Variants in SMOC2 observed in about 807,000 individuals in gnomAD.
SMOC2 encodes SPARC-related modular calcium-binding protein 2.
A neutral mutation model predicts 61.4 loss-of-function variants in SMOC2; 39 were observed. The observed-to-expected ratio is 0.64, with a 90% CI of 0.49 to 0.83. The LOEUF (loss-of-function observed/expected upper bound fraction) is 0.83. Ranked by LOEUF, SMOC2 falls within the 40% of genes least tolerant of loss-of-function variation. The probability of loss-of-function intolerance (pLI) is 0.00; values close to 1 mark genes in which losing one functional copy is unlikely to be tolerated. For missense variants in SMOC2, 556 were observed against 592.9 expected (o/e 0.94, Z 0.65); for synonymous variants, 247 against 239.9 (o/e 1.03, Z -0.27).
intron 8 of SMOC2, among the ~76,000 whole-genome samples, chr6:168,604,185 G>C (rs547312442): frequency 3.9e-5 from 6 of 152,234 alleles, no homozygotes; most frequent in Non-Finnish European, 5.9e-5. Context: ...ATCTCATCCA[G>C]ATGCCACAGT....
Position 168,592,267 on chromosome 6 carries a change from GGGC to G in SMOC2, c.638-6550_638-6548del, listed in dbSNP as rs1785199466. Among the ~76,000 whole-genome samples, 7 of 151,074 alleles carry G rather than the reference GGGC, an allele frequency of 4.6e-5. 1 individual carries two copies. The highest frequency in any genetic ancestry group is 2.1e-4 in the South Asian group (1 of 4,802). On this transcript the variant is annotated intron_variant, in intron 7 of 12. Coordinates refer to ENST00000356284, the MANE Select transcript of SMOC2 (RefSeq NM_001166412.2). ...CCCTTCATGCTTCCTAAGGCCTCAC[GGGC>G]ATCTTTCTAGAGGATCGTGGAGCTC... is the stretch of plus-strand genomic sequence containing the variant.
At chr6:168,555,627 C>T (rs997214402) in intron 7 of SMOC2, among the ~76,000 whole-genome samples, 15 of 152,234 alleles carry the variant, frequency 9.9e-5, no homozygotes, top group African/African-American at 3.4e-4. Flanking sequence ...GAACCTAAAT[C>T]ATGCCTCTTG....
chr6:168,549,267 T>G, intron 7 of SMOC2, 64 bp downstream of exon 7: 3 of 1,509,016 alleles, frequency 2.0e-6, no homozygotes, highest in Non-Finnish European at 2.8e-6. Context: ...ATGATGGGGT[T>G]TTTTTTTGGA....
chr6:168,466,809 A>T (rs918723277), intron 1 of SMOC2, among the ~76,000 whole-genome samples: 12 of 152,276 alleles, frequency 7.9e-5, no homozygotes, highest in African/African-American at 2.9e-4. Flanking sequence ...GTCATCCTGG[A>T]CGCTTGGTTT....
chr6:168,565,611 C>T (rs958602245), intron 7 of SMOC2, among the ~76,000 whole-genome samples: 1 of 152,186 alleles, frequency 6.6e-6, no homozygotes, highest in East Asian at 1.9e-4. Context: ...GAATCCATAA[C>T]AAGCAGGATA....
At chr6:168,645,635 T>C (rs752358137) in intron 9 of SMOC2, among the ~76,000 whole-genome samples, 16 of 152,160 alleles carry the variant, frequency 1.1e-4, no homozygotes, top group Non-Finnish European at 1.6e-4. Context: ...AGAGTGGAGA[T>C]AGCATTTGAC....
At chr6:168,583,433 C>A (rs1021600869) in intron 7 of SMOC2, among the ~76,000 whole-genome samples, 3 of 152,238 alleles carry the variant, frequency 2.0e-5, no homozygotes, top group African/African-American at 4.8e-5. Flanking sequence ...GCTGTCATAT[C>A]GGAAACTATT....
chr6:168,478,176 C>G (rs1168661268), intron 1 of SMOC2, among the ~76,000 whole-genome samples: 1 of 152,102 alleles, frequency 6.6e-6, no homozygotes, highest in South Asian at 2.1e-4. Flanking sequence ...GTACAAGAGT[C>G]CTGGGCCGTA....
intron 2 of SMOC2, among the ~76,000 whole-genome samples, chr6:168,512,927 T>C (rs1253465535): frequency 6.6e-6 from 1 of 152,210 alleles, no homozygotes; most frequent in Non-Finnish European, 1.5e-5. Context: ...TTGGAAAATG[T>C]GTGGAAGTGA....
chr6:168,514,426 CCATGGGTTATGGAAAGTT>C (rs1448271774), intron 2 of SMOC2, among the ~76,000 whole-genome samples: 6 of 152,212 alleles, frequency 3.9e-5, no homozygotes, highest in Admixed American at 6.5e-5. Context: ...AACCGCAGGG[CCATGGGTTATGGAAAGTT>C]GGCGTGGAGC....
At chr6:168,609,828 C>T (rs576569867) in intron 9 of SMOC2, among the ~76,000 whole-genome samples, 106 of 150,644 alleles carry the variant, frequency 7.0e-4, no homozygotes, top group African/African-American at 2.5e-3. Context: ...TTTTTTTTTT[C>T]GATAGCACAA....
At chr6:168,468,332 G>A (rs779848594) in intron 1 of SMOC2, among the ~76,000 whole-genome samples, 13 of 152,212 alleles carry the variant, frequency 8.5e-5, no homozygotes, top group Non-Finnish European at 1.6e-4. Context: ...ATGTTCTAAA[G>A]TGTTGGCAGG....
At chr6:168,484,828 G>A (rs1216821051) in intron 1 of SMOC2, among the ~76,000 whole-genome samples, 1 of 152,190 alleles carries the variant, frequency 6.6e-6, no homozygotes, top group Non-Finnish European at 1.5e-5. Flanking sequence ...ACATGATGCC[G>A]AGTGATAGAA....
Position 168,547,128 on chromosome 6 carries a change from C to T in SMOC2, c.521C>T (p.Ala174Val), listed in dbSNP as rs1562340087. Residue 174 changes from alanine to valine, a missense_variant, in exon 6 of 13, where the codon GCA (alanine) becomes GTA (valine). By Grantham distance (64) the Ala-to-Val change is moderately conservative (BLOSUM62 0). Coordinates refer to ENST00000356284, the MANE Select transcript of SMOC2 (RefSeq NM_001166412.2). ...REGTGKTDDA[A>V]APALETQPQG... ...TCCGTTCTGAATTCAGATGATGCCGCAGCTCCAGCGTTGGAGACTCAGCCT... is the reference window on the plus strand; with the variant it reads ...TCCGTTCTGAATTCAGATGATGCCGTAGCTCCAGCGTTGGAGACTCAGCCT... The T allele has an allele frequency of 6.2e-7, 1 of 1,614,080 alleles. No homozygotes were observed. Among genetic ancestry groups the T allele is most frequent in the Non-Finnish European group, 8.5e-7 (1 of 1,180,032 alleles).
intron 8 of SMOC2, among the ~76,000 whole-genome samples, chr6:168,600,440 A>G (rs1333335076): frequency 7.7e-6 from 1 of 129,162 alleles, no homozygotes; most frequent in East Asian, 2.5e-4. Context: ...AAAACAAAAA[A>G]AAAAACAGTA....
intron 2 of SMOC2, among the ~76,000 whole-genome samples, chr6:168,514,148 G>T (rs1317181576): frequency 6.6e-6 from 1 of 152,138 alleles, no homozygotes; most frequent in African/African-American, 2.4e-5. Context: ...CTGCCCCAAC[G>T]CTGCAAATTT....
chr6:168,618,971 ATATCTT>A (rs1450710726), intron 9 of SMOC2, among the ~76,000 whole-genome samples: 2 of 152,226 alleles, frequency 1.3e-5, no homozygotes, highest in African/African-American at 4.8e-5. Context: ...AAGACAATAA[ATATCTT>A]AATCTTAAAA....
At chr6:168,566,937 G>A (rs1011788629) in intron 7 of SMOC2, among the ~76,000 whole-genome samples, 5 of 152,140 alleles carry the variant, frequency 3.3e-5, no homozygotes, top group Admixed American at 1.3e-4. Context: ...AATGATACAC[G>A]GAAAATAGGA....
chr6:168,503,285 C>T (rs1432381326), intron 1 of SMOC2, among the ~76,000 whole-genome samples: 2 of 150,088 alleles, frequency 1.3e-5, no homozygotes, highest in African/African-American at 4.9e-5. Context: ...AGCATGTTGG[C>T]CAGGCTGGTC....
Sources: allele counts gnomAD v4.1 joint callset (sites outside exome capture counted in the v4.1 genomes callset), GRCh38; gene constraint gnomAD v4.1.1; transcripts MANE v1.5; gene names NCBI Gene and HGNC (gene_info 2026-07-23, HGNC 2026-07-21).